Variants in MFF observed in about 807,000 individuals in gnomAD.
MFF encodes the protein chromosome 2 open reading frame 33.
In MFF, 12 loss-of-function variants were observed where a neutral mutation model predicts 36.9. The observed-to-expected ratio is 0.33, with a 90% CI of 0.21 to 0.53. MFF has a LOEUF of 0.53. MFF is among the 20% of genes least tolerant of loss of function. MFF has a pLI of 0.95. For missense variants in MFF, 348 were observed against 366.6 expected (o/e 0.95, Z 0.42); for synonymous variants, 99 against 126.2 (o/e 0.78, Z 1.44).
chr2:227,327,179 A>G (rs2074220885), intron 1 of MFF, among the ~76,000 whole-genome samples: 1 of 151,558 alleles, frequency 6.6e-6, no homozygotes, highest in Non-Finnish European at 1.5e-5. Flanking sequence ...GAATATGGGA[A>G]AAAAAAAACC....
intron 4 of MFF, among the ~76,000 whole-genome samples, chr2:227,339,416 A>T (rs2075261666): frequency 6.6e-6 from 1 of 152,188 alleles, no homozygotes; most frequent in South Asian, 2.1e-4. Flanking sequence ...CTAAGCTAGG[A>T]AGTCTCAAAG....
chr2:227,344,242 T>C (rs1294304702), intron 5 of MFF, among the ~76,000 whole-genome samples: 2 of 152,254 alleles, frequency 1.3e-5, no homozygotes, highest in African/African-American at 2.4e-5. Flanking sequence ...TATTTTATAA[T>C]ATCACTGGAA....
At chr2:227,329,805 TGA>T in intron 2 of MFF, 1 of 1,548,494 alleles carries the variant, frequency 6.5e-7, no homozygotes, top group Non-Finnish European at 8.9e-7. Context: ...TTTATTCAGT[TGA>T]GCTGGTATTA....
intron 2 of MFF, chr2:227,329,914 C>A: frequency 1.7e-5 from 8 of 470,620 alleles, no homozygotes; most frequent in East Asian, 3.5e-5. Context: ...AACATTCTTT[C>A]TACTGCATTA....
intron 6 of MFF, among the ~76,000 whole-genome samples, chr2:227,349,676 C>T (rs2075890550): frequency 6.6e-6 from 1 of 152,002 alleles, no homozygotes; most frequent in Non-Finnish European, 1.5e-5. Flanking sequence ...ATTTTAAGTG[C>T]CAAATCAGTT....
chr2:227,342,375 A>G (rs1462164530), intron 5 of MFF, among the ~76,000 whole-genome samples: 1 of 152,184 alleles, frequency 6.6e-6, no homozygotes, highest in Non-Finnish European at 1.5e-5. Context: ...TATAATGAAC[A>G]TATTATTCAG....
In MFF at chr2:227,325,305, T is replaced by C. The variant is rs1258173982; in HGVS notation, c.-275T>C. 3.8e-5 allele frequency: 6 copies of C among 156,484 alleles called. No individual in the cohort carries two copies. Among genetic ancestry groups the C allele is most frequent in the Non-Finnish European group, 7.1e-5 (5 of 70,336 alleles). The allele number at this position is 156,484 out of a possible 1,614,324, so 9.7% of individuals were successfully genotyped here. On this transcript the variant is annotated 5_prime_UTR_variant, in exon 1 of 9. Transcript: ENST00000304593. ...TCTGCCCTGGCCCTCTGCGGGCCGC[T>C]CCGCCGGTGCTGTCCCTGGGCGCCT... is the stretch of plus-strand genomic sequence containing the variant.
chr2:227,342,930 C>A, intron 5 of MFF: 1 of 835,660 alleles, frequency 1.2e-6, no homozygotes, highest in South Asian at 2.1e-5. Context: ...TAATTATCTT[C>A]CTGTTTGGCT....
chr2:227,343,563 A>G (rs534649928), intron 5 of MFF, among the ~76,000 whole-genome samples: 2 of 152,190 alleles, frequency 1.3e-5, no homozygotes, highest in Admixed American at 1.3e-4. Flanking sequence ...AGAAATTAAT[A>G]TATTTGTGTT....
chr2:227,330,701 A>C lies in MFF; in HGVS notation c.36A>C (p.Glu12Asp). The stretch of plus-strand genomic sequence containing the variant: ...TTAGTCGAATTCAGTACGAAATGGA[A>C]TATACTGAAGGCATTAGTCAGCGAA... ...AEISRIQYEM[E>D]YTEGISQRMR... Residue 12 changes from glutamate to aspartate, a missense_variant, in exon 3 of 9, where the codon GAA becomes GAC. Coordinates refer to ENST00000304593, the MANE Select transcript of MFF (RefSeq NM_001277062.2). The C allele has an allele frequency of 6.2e-7, 1 of 1,614,154 alleles. No individual in the cohort carries two copies. Among genetic ancestry groups the C allele is most frequent in the Non-Finnish European group, 8.5e-7 (1 of 1,179,966 alleles).
chr2:227,350,631 A>T (rs968548048), intron 6 of MFF, among the ~76,000 whole-genome samples: 6 of 152,166 alleles, frequency 3.9e-5, no homozygotes, highest in Non-Finnish European at 7.4e-5. Context: ...TCTTTAAAAA[A>T]GTGTATAATT....
In MFF at chr2:227,355,666, C is replaced by T; in HGVS notation, c.660-11C>T. On this transcript the variant is annotated splice_polypyrimidine_tract_variant and intron_variant, in intron 7 of 8. Transcript: ENST00000304593. ...TTACTATTCATTTGTATTTCTATCT[C>T]TTATCTGCAGGTATGGCATTTCAAA... 1 of 1,379,964 alleles carries T rather than the reference C, an allele frequency of 7.2e-7. No individual in the cohort carries two copies. The highest frequency in any genetic ancestry group is 9.9e-7 in the Non-Finnish European group (1 of 1,011,992). 85.5% of individuals were successfully genotyped at this position (1,379,964 alleles called of 1,614,324 possible).
chr2:227,333,071 A>C (rs2074717245), intron 4 of MFF, among the ~76,000 whole-genome samples: 1 of 152,228 alleles, frequency 6.6e-6, no homozygotes, highest in Admixed American at 6.5e-5. Flanking sequence ...TAGACTAACA[A>C]GGTGTTAGTA....
chr2:227,330,521 A>C (rs1313595880), intron 2 of MFF, 105 bp from the exon 3 acceptor site: 21 of 739,820 alleles, frequency 2.8e-5, no homozygotes, highest in Non-Finnish European at 4.5e-5. Flanking sequence ...TGCAAATGAG[A>C]AGTTTCCTTT....
chr2:227,352,351 CAT>C, intron 6 of MFF, 161 bp from the exon 7 acceptor site: 2 of 566,338 alleles, frequency 3.5e-6, no homozygotes, highest in Non-Finnish European at 3.2e-6. Flanking sequence ...ATGGAGGACA[CAT>C]GAGACAAGGA....
At chr2:227,343,705 T>A (rs2075549283) in intron 5 of MFF, among the ~76,000 whole-genome samples, 1 of 152,198 alleles carries the variant, frequency 6.6e-6, no homozygotes, top group Non-Finnish European at 1.5e-5. Flanking sequence ...GATTTTGAAC[T>A]TACTTTTAAT....
At chr2:227,344,042 C>T (rs925394755) in intron 5 of MFF, among the ~76,000 whole-genome samples, 1 of 152,194 alleles carries the variant, frequency 6.6e-6, no homozygotes, top group African/African-American at 2.4e-5. Flanking sequence ...CCCACCTTGG[C>T]CTCCCAAAGT....
intron 3 of MFF, among the ~76,000 whole-genome samples, chr2:227,331,714 G>A (rs1282629937): frequency 6.6e-6 from 1 of 152,094 alleles, no homozygotes; most frequent in Non-Finnish European, 1.5e-5. Context: ...GTGCCATCTT[G>A]CGATGTTAAT....
At chr2:227,328,490 G>A (rs1161732950) in intron 1 of MFF, among the ~76,000 whole-genome samples, 188 bp from the exon 2 acceptor site, 1 of 152,048 alleles carries the variant, frequency 6.6e-6, no homozygotes, top group Non-Finnish European at 1.5e-5. Flanking sequence ...ATGAATAGTT[G>A]TAGGACCCCA....
Sources: allele counts gnomAD v4.1 joint callset (sites outside exome capture counted in the v4.1 genomes callset), GRCh38; gene constraint gnomAD v4.1.1; transcripts MANE v1.5; gene names NCBI Gene and HGNC (gene_info 2026-07-23, HGNC 2026-07-21).